Variants in HELQ observed in about 807,000 individuals in gnomAD.
HELQ encodes the protein helicase, POLQ like.
HELQ carries 77 observed loss-of-function variants against 111.6 expected under a neutral mutation model. The ratio of observed to expected loss-of-function variants is 0.69; its 90% CI spans 0.57 to 0.83. The LOEUF is 0.83. HELQ is among the 40% of genes least tolerant of loss of function. HELQ has a pLI of 0.00. For synonymous variants in HELQ, 438 were observed against 454.7 expected (o/e 0.96, Z 0.47); for missense variants, 1,200 against 1,288.5 (o/e 0.93, Z 1.05).
At chr4:83,420,333 T>C (rs1259153500) in intron 15 of HELQ, among the ~76,000 whole-genome samples, 1 of 152,162 alleles carries the variant, frequency 6.6e-6, no homozygotes, top group East Asian at 1.9e-4. Flanking sequence ...TAAATTACAG[T>C]GGCAATCAAG....
At chr4:83,450,620 T>C (rs994671846) in intron 2 of HELQ, among the ~76,000 whole-genome samples, 1 of 142,502 alleles carries the variant, frequency 7.0e-6, no homozygotes, top group Non-Finnish European at 1.5e-5. Flanking sequence ...TTTTTAAGCA[T>C]AACATGACAA....
At chr4:83,441,666 A>G (rs1256223891) in intron 6 of HELQ, among the ~76,000 whole-genome samples, 1 of 152,234 alleles carries the variant, frequency 6.6e-6, no homozygotes, top group Non-Finnish European at 1.5e-5. Context: ...TATCCAAAAA[A>G]GAAACCACAC....
At position 83,446,069 on chromosome 4, in the gene HELQ, T is replaced by C. The variant is rs139783379; in HGVS notation, c.1410A>G (p.Glu470=). ...TTTCCAGTGTAGCTCCACGGCTTCCTTCACCAATCATGTGCAACTTCGAGA... is the reference window on the plus strand; with the variant it reads ...TTTCCAGTGTAGCTCCACGGCTTCCCTCACCAATCATGTGCAACTTCGAGA... ...VVVDELHMIG[E]GSRGATLEMT... Residue 470 remains glutamate, a synonymous_variant, in exon 5 of 18, where the codon GAA becomes GAG. Coordinates refer to ENST00000295488, the MANE Select transcript of HELQ (RefSeq NM_133636.5). 1.1e-3 allele frequency: 1,733 copies of C among 1,613,234 alleles called. 3 individuals carry two copies. The highest frequency in any genetic ancestry group is 1.4e-3 in the Non-Finnish European group (1,660 of 1,179,384).
At chr4:83,433,714 A>G (rs1720288219) in intron 9 of HELQ, among the ~76,000 whole-genome samples, 1 of 149,774 alleles carries the variant, frequency 6.7e-6, no homozygotes. Context: ...CGTGTGTGGT[A>G]GCTCATGCCT....
At chr4:83,433,237 A>C (rs1348671552) in intron 9 of HELQ, among the ~76,000 whole-genome samples, 2 of 152,228 alleles carry the variant, frequency 1.3e-5, no homozygotes, top group African/African-American at 2.4e-5. Context: ...GAAAACTAAT[A>C]ACATAAAAGA....
At chr4:83,449,899 T>C (rs1578104473) in intron 2 of HELQ, among the ~76,000 whole-genome samples, 1 of 144,454 alleles carries the variant, frequency 6.9e-6, no homozygotes, top group Admixed American at 6.9e-5. Flanking sequence ...ACATGCAAAA[T>C]CCAGAGCTGA....
chr4:83,424,498 C>G (rs897684993), intron 14 of HELQ, among the ~76,000 whole-genome samples: 6 of 152,186 alleles, frequency 3.9e-5, no homozygotes, highest in Admixed American at 1.3e-4. Context: ...TGAGTACAAG[C>G]AAATCCTTTG....
intron 6 of HELQ, among the ~76,000 whole-genome samples, chr4:83,442,077 CTTA>C (rs538536184): frequency 2.5e-4 from 38 of 152,012 alleles, no homozygotes; most frequent in African/African-American, 8.9e-4. Context: ...AACTTTCTGT[CTTA>C]TTATTCATCA....
chr4:83,443,418 C>T, intron 6 of HELQ, 99 bp downstream of exon 6: 2 of 557,534 alleles, frequency 3.6e-6, no homozygotes, highest in Non-Finnish European at 6.4e-6. Context: ...TGCCCCTTCA[C>T]TACTCTACAG....
rs1719518374 is a variant in HELQ, at chr4:83,421,799, T to C, written c.2776-63A>G. The C allele has an allele frequency of 2.2e-6, 3 of 1,340,580 alleles. No individual in the cohort carries two copies. The South Asian group carries it at 3.7e-5, about 17-fold the overall frequency. The allele number at this position is 1,340,580 out of a possible 1,614,324, so 83.0% of individuals were successfully genotyped here. A position where few individuals can be genotyped will look rare whatever the true frequency, so the allele number is the denominator to read the frequency against. On this transcript the variant is annotated intron_variant, in intron 14 of 17. Transcript: ENST00000295488. ...CTGCTAAAAATGTATGTTATTAAAATTGGACAAAAGGAAAACTGAAGTTGT... is the reference window on the plus strand; with the variant it reads ...CTGCTAAAAATGTATGTTATTAAAACTGGACAAAAGGAAAACTGAAGTTGT...
chr4:83,446,799 T>C, intron 4 of HELQ, 36 bp downstream of exon 4: 2 of 1,281,672 alleles, frequency 1.6e-6, no homozygotes, highest in Non-Finnish European at 1.1e-6. Context: ...TTTAGTATAA[T>C]AAAAATATTG....
chr4:83,453,560 T>A lies in HELQ; in HGVS notation c.683A>T (p.His228Leu). The A allele has an allele frequency of 6.2e-7, 1 of 1,613,588 alleles. No individual in the cohort carries two copies. Among genetic ancestry groups the A allele is most frequent in the Non-Finnish European group, 8.5e-7 (1 of 1,179,726 alleles). Reference sequence around the variant, plus strand: ...GGGCAGTTCCTCATTCACAGTGTTGTGAGAGGATGACTTCCAATCCCTTTC... The same window carrying A: ...GGGCAGTTCCTCATTCACAGTGTTGAGAGAGGATGACTTCCAATCCCTTTC... Reference protein sequence around the residue: ...MKERDWKSSSHNTVNEELPHN... With the variant: ...MKERDWKSSSLNTVNEELPHN... The change falls in exon 2 of 18, where the codon CAC becomes CTC. Residue 228 changes from histidine (H) to leucine (L), a missense_variant. His to Leu is a moderately conservative substitution (Grantham distance 99). Coordinates refer to ENST00000295488, the MANE Select transcript of HELQ (RefSeq NM_133636.5).
chr4:83,442,260 ATTTTTTTTTTTT>A (rs70949710), intron 6 of HELQ, among the ~76,000 whole-genome samples: 2 of 82,080 alleles, frequency 2.4e-5, no homozygotes, highest in Non-Finnish European at 4.4e-5. Context: ...AAAAACATCA[ATTTTTTTTTTTT>A]TTTTTTTTTT....
At chr4:83,436,300 A>G (rs1386298907) in intron 9 of HELQ, among the ~76,000 whole-genome samples, 2 of 152,194 alleles carry the variant, frequency 1.3e-5, no homozygotes, top group Non-Finnish European at 2.9e-5. Context: ...TATTCAACTG[A>G]AAATACATAT....
chr4:83,417,510 T>C (rs936355951), intron 16 of HELQ, among the ~76,000 whole-genome samples: 6 of 152,124 alleles, frequency 3.9e-5, no homozygotes, highest in African/African-American at 1.4e-4. Context: ...CCAAGTCCAA[T>C]ATCTTTCAGT....
At chr4:83,452,070 G>A (rs1307913881) in intron 2 of HELQ, among the ~76,000 whole-genome samples, 2 of 152,148 alleles carry the variant, frequency 1.3e-5, no homozygotes, top group African/African-American at 4.8e-5. Context: ...ACACATATCT[G>A]AAATATATGC....
upstream of HELQ, chr4:83,455,828 C>G: frequency 1.1e-6 from 1 of 914,068 alleles, no homozygotes; most frequent in East Asian, 2.4e-5. Context: ...GCTCTCAGGG[C>G]TCGCGGACCG....
intron 15 of HELQ, among the ~76,000 whole-genome samples, chr4:83,418,923 T>C (rs536111895): frequency 2.6e-5 from 4 of 152,342 alleles, no homozygotes; most frequent in Admixed American, 2.0e-4. Context: ...ATGCCTGTTA[T>C]ATAAAATAAT....
At chr4:83,450,652 C>A (rs1207424327) in intron 2 of HELQ, among the ~76,000 whole-genome samples, 3 of 142,324 alleles carry the variant, frequency 2.1e-5, no homozygotes, top group African/African-American at 2.7e-5. Context: ...TTTATGAATA[C>A]AATCTTCACA....
Sources: allele counts gnomAD v4.1 joint callset (sites outside exome capture counted in the v4.1 genomes callset), GRCh38; gene constraint gnomAD v4.1.1; transcripts MANE v1.5; gene names NCBI Gene and HGNC (gene_info 2026-07-23, HGNC 2026-07-21).